CFAP47: variants seen among roughly 807,000 people sequenced by gnomAD.
The protein encoded by CFAP47 is cilia- and flagella-associated protein 47.
Under a neutral mutation model 148.1 loss-of-function variants are expected in CFAP47, and 29 were observed. That is an observed-to-expected ratio of 0.20 (90% CI 0.15 to 0.27). CFAP47 has a LOEUF of 0.27. Ranked by LOEUF, CFAP47 falls within the 10% of genes least tolerant of loss-of-function variation. The pLI, the probability that CFAP47 is intolerant of heterozygous loss-of-function variation, is 1.00. For synonymous variants in CFAP47, 664 were observed against 577.3 expected (o/e 1.15, Z -2.15); for missense variants, 1,872 against 1,697.5 (o/e 1.10, Z -1.81).
Position 36,117,999 on chromosome X carries a change from T to C in CFAP47, c.5320+13308T>C, listed in dbSNP as rs753111673. Among the ~76,000 whole-genome samples, 16 of 112,081 alleles carry C rather than the reference T, an allele frequency of 1.4e-4. No homozygotes were observed. In the South Asian group the frequency reaches 5.9e-3, roughly 41 times the overall value. On this transcript the variant is annotated intron_variant, in intron 33 of 63. Transcript: ENST00000378653. ...TCAGAACCATTTATTGAAGAGACTC[T>C]CTTTTCCCCAGTGTATCTTCTTAAC...
chrX:36,291,083 A>T (rs1422607407), intron 51 of CFAP47, among the ~76,000 whole-genome samples: 1 of 112,147 alleles, frequency 8.9e-6, no homozygotes, highest in Non-Finnish European at 1.9e-5. Context: ...AGAAAGCTTT[A>T]GCATTGGAAA....
At chrX:36,148,901 A>ATGTGTGTGTGTGTGTGTGTG (rs60968920) in intron 36 of CFAP47, among the ~76,000 whole-genome samples, 54 of 92,266 alleles carry the variant, frequency 5.9e-4, no homozygotes, top group African/African-American at 2.2e-3. Context: ...AACTGTATGT[A>ATGTGTGTGTGTGTGTGTGTG]TGTGTGTGTG....
intron 53 of CFAP47, among the ~76,000 whole-genome samples, chrX:36,301,971 A>T (rs781827026): frequency 1.8e-5 from 2 of 109,844 alleles, no homozygotes; most frequent in Non-Finnish European, 3.8e-5. Flanking sequence ...TCACATCAAA[A>T]GAGTGTTGCA....
At chrX:36,033,007 G>C (rs1432198049) in intron 23 of CFAP47, among the ~76,000 whole-genome samples, 1 of 111,635 alleles carries the variant, frequency 9.0e-6, no homozygotes, top group Non-Finnish European at 1.9e-5. Context: ...AACTAGAAAA[G>C]GCAATGAAAT....
intron 51 of CFAP47, among the ~76,000 whole-genome samples, chrX:36,288,712 G>A (rs782348177): frequency 2.7e-5 from 3 of 111,361 alleles, no homozygotes; most frequent in Non-Finnish European, 3.8e-5. Flanking sequence ...TCCTCTTGGT[G>A]TCAAACATAA....
chrX:36,317,447 T>C (rs1941443755), intron 56 of CFAP47, among the ~76,000 whole-genome samples: 1 of 109,989 alleles, frequency 9.1e-6, no homozygotes, highest in African/African-American at 3.3e-5. Flanking sequence ...TCTCACTCTG[T>C]CGCCCAGACT....
intron 27 of CFAP47, 31 bp downstream of exon 27, chrX:36,065,774 C>A: frequency 2.3e-6 from 2 of 851,332 alleles, no homozygotes; most frequent in Non-Finnish European, 3.4e-6. Context: ...TTATCCCTAA[C>A]TCTCACTGTA....
chrX:36,153,751 A>C (rs1439266729), intron 37 of CFAP47, among the ~76,000 whole-genome samples: 1 of 112,151 alleles, frequency 8.9e-6, no homozygotes, highest in Non-Finnish European at 1.9e-5. Flanking sequence ...TGCCCATCAG[A>C]GGGGCAGCTA....
In CFAP47 at chrX:36,200,452, C is replaced by T. The variant is rs186519511; in HGVS notation, c.6395C>T (p.Thr2132Met). The T allele has an allele frequency of 1.9e-4, 57 of 294,895 alleles. No individual in the cohort carries two copies. The highest frequency in any genetic ancestry group is 6.2e-4 in the Admixed American group (10 of 16,082). The allele number at this position is 294,895 out of a possible 1,213,427, so 24.3% of individuals were successfully genotyped here. The change falls in exon 43 of 64, where the codon ACG (threonine) becomes ATG (methionine). Residue 2132 changes from threonine (T) to methionine (M), a missense_variant. Transcript: ENST00000378653. ...PLPSSCLPMNTSSSPVYYSTT... is the reference protein window; with the variant it reads ...PLPSSCLPMNMSSSPVYYSTT... ...CCTTCCAGTTGCCTTCCAATGAATACGTCTTCAAGTCCAGTTTATTACAGC... is the reference window on the plus strand; with the variant it reads ...CCTTCCAGTTGCCTTCCAATGAATATGTCTTCAAGTCCAGTTTATTACAGC...
At chrX:36,321,536 T>A (rs1556012003) in intron 57 of CFAP47, among the ~76,000 whole-genome samples, 1 of 112,017 alleles carries the variant, frequency 8.9e-6, no homozygotes, top group African/African-American at 3.2e-5. Flanking sequence ...ATAATTGGAC[T>A]ATTTGTAACA....
intron 39 of CFAP47, among the ~76,000 whole-genome samples, chrX:36,173,237 T>G (rs1448549984): frequency 1.8e-5 from 2 of 111,799 alleles, no homozygotes; most frequent in African/African-American, 6.5e-5. Flanking sequence ...TTGTTGATCC[T>G]TTCAAAAAAC....
rs767039327 is a variant in CFAP47, at chrX:36,121,624, TAAAC to T, written c.5321-16323_5321-16320del. Among the ~76,000 whole-genome samples the T allele has an allele frequency of 2.8e-4, 31 of 111,701 alleles. 1 individual carries two copies. The South Asian group carries it at 8.5e-3, about 31-fold the overall frequency. On this transcript the variant is annotated intron_variant, in intron 33 of 63. Transcript: ENST00000378653. Reference sequence around the variant, plus strand: ...TGATAACAACTTAACACTGGTTGCCTAAACAAACAAACAAGCCAAAAGAAAGCCC... The same window carrying T: ...TGATAACAACTTAACACTGGTTGCCTAAACAAACAAGCCAAAAGAAAGCCC...
At chrX:36,238,954 T>C (rs1417130650) in intron 48 of CFAP47, among the ~76,000 whole-genome samples, 2 of 112,466 alleles carry the variant, frequency 1.8e-5, no homozygotes, top group Non-Finnish European at 3.7e-5. Flanking sequence ...CATGTTCTTT[T>C]AAATGTTTTC....
chrX:36,173,246 A>G (rs919875148), intron 39 of CFAP47, among the ~76,000 whole-genome samples: 1 of 110,844 alleles, frequency 9.0e-6, no homozygotes, highest in African/African-American at 3.3e-5. Flanking sequence ...CTTTCAAAAA[A>G]CCAGCTCCTG....
At chrX:36,378,867 A>G (rs1270150627) in intron 62 of CFAP47, among the ~76,000 whole-genome samples, 1 of 108,830 alleles carries the variant, frequency 9.2e-6, no homozygotes, top group Non-Finnish European at 1.9e-5. Context: ...GCTGGAGTGC[A>G]ATGGCATGAT....
At chrX:35,936,463 A>G (rs1880979787) in intron 2 of CFAP47, among the ~76,000 whole-genome samples, 1 of 95,890 alleles carries the variant, frequency 1.0e-5, no homozygotes, top group Non-Finnish European at 2.1e-5. Flanking sequence ...TTTTTTTGGC[A>G]GTTGCTTTAA....
At chrX:36,098,727 C>T (rs1209746731) in intron 30 of CFAP47, 66 bp from the exon 31 acceptor site, 17 of 477,376 alleles carry the variant, frequency 3.6e-5, no homozygotes, top group Admixed American at 1.8e-4. Context: ...AATTGATGGT[C>T]AATGCAAATC....
chrX:36,065,353 C>A (rs905144849), intron 26 of CFAP47, among the ~76,000 whole-genome samples: 1 of 111,362 alleles, frequency 9.0e-6, no homozygotes, highest in African/African-American at 3.3e-5. Context: ...AACTATGAGA[C>A]ACCTTCAACT....
chrX:36,035,727 T>C lies in CFAP47; in HGVS notation c.3684T>C (p.His1228=), dbSNP rs1937330480. Residue 1228 remains histidine (H), a synonymous_variant, in exon 24 of 64, where the codon CAT becomes CAC. Transcript: ENST00000378653. ...TTTTATATAATATTACCAAACACCA[T>C]GTGACATGGACTTTGGATCTTAGTA... is the stretch of plus-strand genomic sequence containing the variant. ...NLVLYNITKH[H]VTWTLDLSNT... is the part of the protein sequence containing the mutation. The C allele has an allele frequency of 3.4e-6, 1 of 294,138 alleles. No individual in the cohort carries two copies. Among genetic ancestry groups the C allele is most frequent in the Non-Finnish European group, 5.9e-6 (1 of 169,059 alleles). 24.2% of individuals were successfully genotyped at this position (294,138 alleles called of 1,213,427 possible). A position where few individuals can be genotyped will look rare whatever the true frequency, so the allele number is the denominator to read the frequency against.
Sources: allele counts gnomAD v4.1 joint callset (sites outside exome capture counted in the v4.1 genomes callset), GRCh38; gene constraint gnomAD v4.1.1; transcripts MANE v1.5; gene names NCBI Gene and HGNC (gene_info 2026-07-23, HGNC 2026-07-21).